OSBPL3: variants seen among roughly 807,000 people sequenced by gnomAD.
OSBPL3 encodes oxysterol-binding protein-related protein 3.
Under a neutral mutation model 120.1 loss-of-function variants are expected in OSBPL3, and 65 were observed. That is an observed-to-expected ratio of 0.54 (90% CI 0.44 to 0.67). The LOEUF (loss-of-function observed/expected upper bound fraction) is 0.67, where lower values mean the gene tolerates loss of function less well. Among genes scored for constraint, OSBPL3 ranks in the 30% least tolerant of loss-of-function variants. The pLI, the probability that OSBPL3 is intolerant of heterozygous loss-of-function variation, is 0.00. For missense variants in OSBPL3, 1,004 were observed against 1,082.1 expected, an observed-to-expected ratio of 0.93 and a Z score of 1.01; for synonymous variants, 416 against 402.6, an observed-to-expected ratio of 1.03 and a Z score of -0.40.
In OSBPL3 at chr7:24,830,629, T is replaced by TCC; in HGVS notation, c.1884+137_1884+138dup. 1.2e-6 allele frequency: 1 copy of TCC among 861,662 alleles called. No individual in the cohort carries two copies. The highest frequency in any genetic ancestry group is 1.8e-6 in the Non-Finnish European group (1 of 567,738). 53.4% of individuals were successfully genotyped at this position (861,662 alleles called of 1,614,324 possible). A position where few individuals can be genotyped will look rare whatever the true frequency, so the allele number is the denominator to read the frequency against. On this transcript the variant is annotated intron_variant, in intron 16 of 22. Transcript: ENST00000313367. This position sits in a 1 kb window ranked among gnomAD's most constrained non-coding sequence, Gnocchi z 4.4. ...CTTCAGTGGAAGGGAAATCGATCCC[T>TCC]CCCTTTATGTTGAAAAGCACTGTAA... is the stretch of plus-strand genomic sequence containing the variant.
chr7:24,895,362 A>C (rs940005229), intron 1 of OSBPL3, among the ~76,000 whole-genome samples: 5 of 152,146 alleles, frequency 3.3e-5, no homozygotes, highest in African/African-American at 4.8e-5. Flanking sequence ...CATGCTGTAC[A>C]GGTTTGTAGC....
At position 24,830,789 on chromosome 7, in the gene OSBPL3, G is replaced by A. The variant is rs1014681501; in HGVS notation, c.1863C>T (p.Gly621=). The A allele has an allele frequency of 3.7e-6, 6 of 1,610,792 alleles. No homozygotes were observed. Among genetic ancestry groups the A allele is most frequent in the Non-Finnish European group, 4.2e-6 (5 of 1,179,236 alleles). The change falls in exon 16 of 23, where the codon GGC becomes GGT. Residue 621 remains glycine (G), a synonymous_variant. Transcript: ENST00000313367. The surrounding 1 kb of genome is among the most constrained non-coding windows in gnomAD (Gnocchi z 4.4). ...ETYECIREDK[G]FQFFSEQVSH... is the part of the protein sequence containing the mutation. ...CTACCTGTTCTGAAAAAAACTGGAA[G>A]CCCTTGTCCTCCCGAATACATTCAT...
Position 24,863,541 on chromosome 7 carries a change from G to A in OSBPL3, c.732C>T (p.Asp244=), listed in dbSNP as rs376130958. The change falls in exon 8 of 23, where the codon GAC becomes GAT. Residue 244 remains aspartate (D), a synonymous_variant. Transcript: ENST00000313367. This position sits in a 1 kb window ranked among gnomAD's most constrained non-coding sequence, Gnocchi z 5.8. ...GTGCCGAGTATGTCCGATGCAGGAC[G>A]TCCATGCTTTGCAGGAGCTGGCTCA... ...VEMSQLLQSM[D]VLHRTYSAPA... is the part of the protein sequence containing the mutation. The A allele has an allele frequency of 6.2e-6, 10 of 1,614,068 alleles. No homozygotes were observed. The highest frequency in any genetic ancestry group is 4.5e-5 in the East Asian group (2 of 44,872).
chr7:24,906,361 G>C, intron 1 of OSBPL3: 1 of 243,820 alleles, frequency 4.1e-6, no homozygotes, highest in Non-Finnish European at 8.5e-6. Context: ...AGACTTGCGA[G>C]GAGGTGGGAT....
intron 10 of OSBPL3, among the ~76,000 whole-genome samples, chr7:24,860,795 G>A (rs1455354226): frequency 7.9e-5 from 12 of 152,200 alleles, no homozygotes; most frequent in Non-Finnish European, 1.8e-4. Flanking sequence ...TCCATTGTAT[G>A]GATGTACCAC....
chr7:24,875,193 C>T (rs553742306), intron 2 of OSBPL3, among the ~76,000 whole-genome samples: 10 of 152,320 alleles, frequency 6.6e-5, no homozygotes, highest in Admixed American at 2.6e-4. Context: ...AAAGTATTTT[C>T]GCATGGTTTT....
At chr7:24,917,417 T>TATA (rs1398461398) in intron 1 of OSBPL3, among the ~76,000 whole-genome samples, 5 of 142,018 alleles carry the variant, frequency 3.5e-5, no homozygotes, top group South Asian at 2.2e-4. Flanking sequence ...TATATATATA[T>TATA]ATATATATAT....
chr7:24,947,578 C>T lies in OSBPL3; in HGVS notation c.-150+32308G>A, dbSNP rs1036417794. On this transcript the variant is annotated intron_variant, in intron 1 of 22. Coordinates refer to ENST00000313367, the MANE Select transcript of OSBPL3 (RefSeq NM_015550.4). This position sits in a 1 kb window ranked among gnomAD's most constrained non-coding sequence, Gnocchi z 4.4. Reference sequence around the variant, plus strand: ...ACATTTTTAGCATAATATTTAATCCCTAACCATACCAACAACTTATCTATA... The same window carrying T: ...ACATTTTTAGCATAATATTTAATCCTTAACCATACCAACAACTTATCTATA... Among the ~76,000 whole-genome samples, 1 of 152,154 alleles carries T rather than the reference C, an allele frequency of 6.6e-6. No homozygotes were observed. Among genetic ancestry groups the T allele is most frequent in the African/African-American group, 2.4e-5 (1 of 41,414 alleles).
chr7:24,911,830 C>T (rs184253266), intron 1 of OSBPL3, among the ~76,000 whole-genome samples: 1 of 152,236 alleles, frequency 6.6e-6, no homozygotes, highest in Non-Finnish European at 1.5e-5. Context: ...CACTTTTAAA[C>T]TAGTGCAAAC....
At chr7:24,935,556 G>A (rs1372843733) in intron 1 of OSBPL3, among the ~76,000 whole-genome samples, 1 of 152,068 alleles carries the variant, frequency 6.6e-6, no homozygotes, top group Non-Finnish European at 1.5e-5. Flanking sequence ...CTTGACCTGG[G>A]TGGTGGTTAG....
chr7:24,909,841 G>A (rs1241419663), intron 1 of OSBPL3, among the ~76,000 whole-genome samples: 1 of 126,822 alleles, frequency 7.9e-6, no homozygotes, highest in Non-Finnish European at 1.6e-5. Context: ...CGCCCAGGCT[G>A]GAGCGCAGTG....
intron 12 of OSBPL3, among the ~76,000 whole-genome samples, chr7:24,844,444 T>C (rs929736343): frequency 1.7e-4 from 26 of 151,874 alleles, no homozygotes; most frequent in African/African-American, 6.3e-4. Context: ...CCCACAACAA[T>C]TCTTCTTCTT....
chr7:24,932,708 G>A lies in OSBPL3; in HGVS notation c.-149-40087C>T, dbSNP rs1038066235. On this transcript the variant is annotated intron_variant, in intron 1 of 22. Coordinates refer to ENST00000313367, the MANE Select transcript of OSBPL3 (RefSeq NM_015550.4). The surrounding 1 kb of genome is among the most constrained non-coding windows in gnomAD (Gnocchi z 5.6). Reference sequence around the variant, plus strand: ...TCGATCTTGCATTTTCCAGCCTCCAGAACTACGAGAAGTAAATTTCTGATG... The same window carrying A: ...TCGATCTTGCATTTTCCAGCCTCCAAAACTACGAGAAGTAAATTTCTGATG... Among the ~76,000 whole-genome samples the A allele has an allele frequency of 5.2e-4, 79 of 152,292 alleles. No individual in the cohort carries two copies. Among genetic ancestry groups the A allele is most frequent in the African/African-American group, 1.8e-3 (76 of 41,582 alleles).
chr7:24,945,613 G>C (rs769444949), intron 1 of OSBPL3, among the ~76,000 whole-genome samples: 1 of 152,192 alleles, frequency 6.6e-6, no homozygotes, highest in Non-Finnish European at 1.5e-5. Flanking sequence ...ACTCTGATAC[G>C]GTGAAATGAT....
chr7:24,916,729 GA>G lies in OSBPL3; in HGVS notation c.-149-24109del, dbSNP rs1338947176. On this transcript the variant is annotated intron_variant, in intron 1 of 22. Transcript: ENST00000313367. This position sits in a 1 kb window ranked among gnomAD's most constrained non-coding sequence, Gnocchi z 4.9. ...CCTCCCGACACCATCATCTAGTAGG[GA>G]AGTGTAGAAACCTCCCGATAATGTA... Among the ~76,000 whole-genome samples, 1 of 152,046 alleles carries G rather than the reference GA, an allele frequency of 6.6e-6. No homozygotes were observed. The highest frequency in any genetic ancestry group is 1.5e-5 in the Non-Finnish European group (1 of 68,020).
chr7:24,820,962 C>T lies in OSBPL3; in HGVS notation c.1885-724G>A, dbSNP rs1795059856. Among the ~76,000 whole-genome samples, 1 of 152,168 alleles carries T rather than the reference C, an allele frequency of 6.6e-6. No homozygotes were observed. The highest frequency in any genetic ancestry group is 2.4e-5 in the African/African-American group (1 of 41,430). On this transcript the variant is annotated intron_variant, in intron 16 of 22. Coordinates refer to ENST00000313367, the MANE Select transcript of OSBPL3 (RefSeq NM_015550.4). This position sits in a 1 kb window ranked among gnomAD's most constrained non-coding sequence, Gnocchi z 4.6. ...AGAATCCCCTGGAGCAGAGAGTGCC[C>T]TTTGGCAAGGGGTCATTACTCATTT...
chr7:24,921,607 C>T (rs1269946249), intron 1 of OSBPL3, among the ~76,000 whole-genome samples: 1 of 152,138 alleles, frequency 6.6e-6, no homozygotes, highest in Admixed American at 6.5e-5. Flanking sequence ...GAAGTAGAAA[C>T]AGTGTACCCT....
rs564594182 is a variant in OSBPL3 at position 24,881,951 on chromosome 7, T to A, written c.97-9882A>T. Reference sequence around the variant, plus strand: ...TATGTCTGTCTTCTCCCGAACGTGTTTCTTATAAGGACATTTGTCAGTGAA... The same window carrying A: ...TATGTCTGTCTTCTCCCGAACGTGTATCTTATAAGGACATTTGTCAGTGAA... On this transcript the variant is annotated intron_variant, in intron 2 of 22. Transcript: ENST00000313367. This position sits in a 1 kb window ranked among gnomAD's most constrained non-coding sequence, Gnocchi z 4.3. 2.0e-5 allele frequency among the ~76,000 whole-genome samples: 3 copies of A among 152,270 alleles called. No individual in the cohort carries two copies. In the South Asian group the frequency reaches 6.2e-4, roughly 32 times the overall value.
At chr7:24,801,880 T>C (rs1273261070) in intron 22 of OSBPL3, among the ~76,000 whole-genome samples, 1 of 152,254 alleles carries the variant, frequency 6.6e-6, no homozygotes, top group African/African-American at 2.4e-5. Flanking sequence ...TTCCATTGTA[T>C]GGATGGACCA....
Sources: gnomAD v4.1 joint callset for allele counts (sites outside exome capture counted in the v4.1 genomes callset) on GRCh38, gnomAD v4.1.1 for gene constraint, Gnocchi (gnomAD v3.1) non-coding constraint, MANE v1.5 for transcripts, NCBI Gene and HGNC (gene_info 2026-07-23, HGNC 2026-07-21) for gene names.